The following DAGLA variants were observed in gnomAD, a reference collection of about 807,000 sequenced individuals.
DAGLA encodes the protein diacylglycerol lipase-alpha.
Under a neutral mutation model 102.6 loss-of-function variants are expected in DAGLA, and 22 were observed. The ratio of observed to expected loss-of-function variants is 0.21; its 90% CI spans 0.15 to 0.31. The LOEUF (loss-of-function observed/expected upper bound fraction) is 0.31. Ranked by LOEUF, DAGLA falls within the 10% of genes least tolerant of loss-of-function variation. DAGLA has a pLI of 1.00. For synonymous variants in DAGLA, 578 were observed against 628.9 expected, an observed-to-expected ratio of 0.92 and a Z score of 1.21; for missense variants, 927 against 1,446.6, an observed-to-expected ratio of 0.64 and a Z score of 5.83.
At chr11:61,701,701 A>G (rs1157558469) in intron 1 of DAGLA, among the ~76,000 whole-genome samples, 1 of 152,196 alleles carries the variant, frequency 6.6e-6, no homozygotes, top group Non-Finnish European at 1.5e-5. Context: ...GAGGACCCCG[A>G]AAACCTGCCC....
At chr11:61,743,229 G>A (rs961060872) in intron 19 of DAGLA, among the ~76,000 whole-genome samples, 2 of 152,054 alleles carry the variant, frequency 1.3e-5, no homozygotes, top group African/African-American at 4.8e-5. Flanking sequence ...GCCAGGCATG[G>A]TGGCGGGCAC....
chr11:61,687,074 C>G (rs1177065110), intron 1 of DAGLA, among the ~76,000 whole-genome samples: 2 of 152,196 alleles, frequency 1.3e-5, no homozygotes, highest in South Asian at 4.1e-4. Flanking sequence ...ATGAACTGAA[C>G]CCAGGAGAGT....
chr11:61,712,242 C>G (rs1405686749), intron 1 of DAGLA, among the ~76,000 whole-genome samples: 2 of 152,192 alleles, frequency 1.3e-5, no homozygotes, highest in African/African-American at 4.8e-5. Context: ...CACTCACTTG[C>G]TAGCTTCTTT....
intron 1 of DAGLA, among the ~76,000 whole-genome samples, chr11:61,681,343 C>T (rs2064940688): frequency 6.6e-6 from 1 of 152,152 alleles, no homozygotes; most frequent in African/African-American, 2.4e-5. Flanking sequence ...AGAGACCTTC[C>T]AGGCACTACC....
At chr11:61,714,053 C>A (rs1591037272) in intron 1 of DAGLA, among the ~76,000 whole-genome samples, 1 of 152,214 alleles carries the variant, frequency 6.6e-6, no homozygotes, top group East Asian at 1.9e-4. Context: ...TACAAACTTG[C>A]CAGTTTCCAC....
At chr11:61,691,543 C>A (rs187911928) in intron 1 of DAGLA, among the ~76,000 whole-genome samples, 3 of 152,356 alleles carry the variant, frequency 2.0e-5, no homozygotes, top group African/African-American at 4.8e-5. Flanking sequence ...GGGACCCCCC[C>A]CAACCCAACC....
At chr11:61,712,663 C>T (rs1422507448) in intron 1 of DAGLA, among the ~76,000 whole-genome samples, 1 of 152,216 alleles carries the variant, frequency 6.6e-6, no homozygotes, top group Non-Finnish European at 1.5e-5. Flanking sequence ...CAGGTACAGG[C>T]TGGTGGCGCA....
chr11:61,712,119 T>G (rs1472821606), intron 1 of DAGLA, among the ~76,000 whole-genome samples: 1 of 152,216 alleles, frequency 6.6e-6, no homozygotes, highest in Non-Finnish European at 1.5e-5. Flanking sequence ...CCCTGAACTC[T>G]GTGCCCAGCT....
intron 1 of DAGLA, among the ~76,000 whole-genome samples, chr11:61,695,955 C>T (rs576267093): frequency 3.9e-5 from 6 of 152,254 alleles, no homozygotes; most frequent in East Asian, 3.9e-4. Flanking sequence ...CTGTGGTGAC[C>T]GTTCTCCCAC....
At chr11:61,738,320 C>G in intron 16 of DAGLA, 113 bp downstream of exon 16, 1 of 851,268 alleles carries the variant, frequency 1.2e-6, no homozygotes, top group Non-Finnish European at 1.8e-6. Context: ...AAGGCCAGGG[C>G]AGGGTGTGGC....
chr11:61,743,684 C>T lies in DAGLA; in HGVS notation c.2324C>T (p.Ala775Val). 6.2e-7 allele frequency: 1 copy of T among 1,601,240 alleles called. No homozygotes were observed. The highest frequency in any genetic ancestry group is 8.5e-7 in the Non-Finnish European group (1 of 1,176,102). Residue 775 changes from alanine to valine, a missense_variant, in exon 20 of 20, where the codon GCA becomes GTA. Ala to Val is a moderately conservative substitution (Grantham distance 64). Around this residue, in one of 4 missense-constraint regions of DAGLA, gnomAD observed 434 missense variants for 503.3 expected, o/e 0.86. Coordinates refer to ENST00000257215, the MANE Select transcript of DAGLA (RefSeq NM_006133.3). Reference sequence around the variant, plus strand: ...GCGGCGGAGCTGCAGGCCCGGCGGGCACCACTGGCCACCATGGAGAGCCTC... The same window carrying T: ...GCGGCGGAGCTGCAGGCCCGGCGGGTACCACTGGCCACCATGGAGAGCCTC... ...RLAAELQARRAPLATMESLSD... is the reference protein window; with the variant it reads ...RLAAELQARRVPLATMESLSD...
At chr11:61,708,594 A>G (rs2065169459) in intron 1 of DAGLA, among the ~76,000 whole-genome samples, 1 of 151,446 alleles carries the variant, frequency 6.6e-6, no homozygotes, top group Middle Eastern at 3.2e-3. Context: ...CGTGTTAGCC[A>G]GGATGGTCTC....
At position 61,740,351 on chromosome 11, in the gene DAGLA, C is replaced by T. The variant is rs542170352; in HGVS notation, c.1854-112C>T. On this transcript the variant is annotated intron_variant, in intron 17 of 19. Transcript: ENST00000257215. ...TGCTGCCAGGCAGGCCAGGGGCCTC[C>T]AAACCATGCCAGCTCTGCTGAGCAG... The T allele has an allele frequency of 1.4e-3, 1,936 of 1,433,590 alleles. 1 individual carries two copies. The highest frequency in any genetic ancestry group is 1.4e-3 in the Non-Finnish European group (1,468 of 1,064,618). 88.8% of individuals were successfully genotyped at this position (1,433,590 alleles called of 1,614,324 possible).
chr11:61,743,627 AGCT>A lies in DAGLA; in HGVS notation c.2278_2280del (p.Leu760del), dbSNP rs1370223782. 16 of 1,593,326 alleles carry A rather than the reference AGCT, an allele frequency of 1.0e-5. No individual in the cohort carries two copies. Among genetic ancestry groups the A allele is most frequent in the South Asian group, 3.3e-5 (3 of 89,690 alleles). On this transcript the variant is annotated inframe_deletion, in exon 20 of 20. Coordinates refer to ENST00000257215, the MANE Select transcript of DAGLA (RefSeq NM_006133.3). ...GCGGCGGCCCGCCAGGACCCGGTGG[AGCT>A]GCTGCTGCTGTCTACCCAGGAGCGG... is the stretch of plus-strand genomic sequence containing the variant.
chr11:61,694,108 C>T (rs1231000125), intron 1 of DAGLA, among the ~76,000 whole-genome samples: 1 of 152,256 alleles, frequency 6.6e-6, no homozygotes, highest in African/African-American at 2.4e-5. Flanking sequence ...AGGCCCAAAG[C>T]TGTGTGACCT....
chr11:61,684,842 C>T lies in DAGLA; in HGVS notation c.-45+4338C>T, dbSNP rs548249205. On this transcript the variant is annotated intron_variant, in intron 1 of 19. Coordinates refer to ENST00000257215, the MANE Select transcript of DAGLA (RefSeq NM_006133.3). The surrounding 1 kb of genome is among the most constrained non-coding windows in gnomAD (Gnocchi z 4.5). Reference sequence around the variant, plus strand: ...CGGAGCTGGGGGTTGCCGGGCTCTTCACAGCAGGAGGGAACAGTGGGAGTC... The same window carrying T: ...CGGAGCTGGGGGTTGCCGGGCTCTTTACAGCAGGAGGGAACAGTGGGAGTC... Among the ~76,000 whole-genome samples the T allele has an allele frequency of 9.2e-5, 14 of 152,000 alleles. No homozygotes were observed. The highest frequency in any genetic ancestry group is 1.9e-4 in the East Asian group (1 of 5,194).
rs200786774 is a variant in DAGLA at position 61,744,177 on chromosome 11, C to T, written c.2817C>T (p.Pro939=). 21 of 1,612,928 alleles carry T rather than the reference C, an allele frequency of 1.3e-5. No individual in the cohort carries two copies. Among genetic ancestry groups the T allele is most frequent in the South Asian group, 6.6e-5 (6 of 91,090 alleles). The change falls in exon 20 of 20, where the codon CCC becomes CCT. Residue 939 remains proline (P), a synonymous_variant. Transcript: ENST00000257215. The part of the protein sequence containing the change: ...SFQDLYCMVV[P]ESPTSDYAEG... ...AAGACCTCTACTGCATGGTGGTGCC[C>T]GAGAGCCCCACCAGTGACTACGCTG... is the stretch of plus-strand genomic sequence containing the variant.
intron 1 of DAGLA, among the ~76,000 whole-genome samples, chr11:61,681,544 C>CTATCT (rs2064942424): frequency 3.9e-5 from 6 of 152,094 alleles, no homozygotes; most frequent in Non-Finnish European, 8.8e-5. Context: ...TCTGTAGTCA[C>CTATCT]GGGGTCCTGC....
At chr11:61,696,236 C>T (rs559779815) in intron 1 of DAGLA, among the ~76,000 whole-genome samples, 6 of 152,320 alleles carry the variant, frequency 3.9e-5, no homozygotes, top group South Asian at 4.1e-4. Context: ...GACTCACCCT[C>T]GGCCTGGCTG....
Sources: allele counts gnomAD v4.1 joint callset (sites outside exome capture counted in the v4.1 genomes callset), GRCh38; gene constraint gnomAD v4.1.1; regional missense constraint gnomAD v4.1.1; non-coding constraint Gnocchi (gnomAD v3.1); transcripts MANE v1.5; gene names NCBI Gene and HGNC (gene_info 2026-07-23, HGNC 2026-07-21).